Variants in GOLIM4 observed in about 807,000 individuals in gnomAD.
The protein encoded by GOLIM4 is golgi integral membrane protein 4, also known as 130 kDa golgi-localized phosphoprotein.
GOLIM4 carries 71 observed loss-of-function variants against 107.4 expected under a neutral mutation model. The observed-to-expected ratio is 0.66, with a 90% CI of 0.55 to 0.81. The LOEUF (loss-of-function observed/expected upper bound fraction) is 0.81, where lower values mean the gene tolerates loss of function less well. Among genes scored for constraint, GOLIM4 ranks in the 30% least tolerant of loss-of-function variants. The pLI, the probability that GOLIM4 is intolerant of heterozygous loss-of-function variation, is 0.00. For missense variants in GOLIM4, 830 were observed against 826.1 expected, an observed-to-expected ratio of 1.00 and a Z score of -0.06; for synonymous variants, 327 against 294.8, an observed-to-expected ratio of 1.11 and a Z score of -1.12.
chr3:168,058,269 C>T (rs1720085027), intron 1 of GOLIM4, among the ~76,000 whole-genome samples: 1 of 152,184 alleles, frequency 6.6e-6, no homozygotes, highest in African/African-American at 2.4e-5. Flanking sequence ...TGAATTGGTG[C>T]TTAACTGCCT....
At chr3:168,060,561 T>C (rs1720208101) in intron 1 of GOLIM4, among the ~76,000 whole-genome samples, 1 of 152,146 alleles carries the variant, frequency 6.6e-6, no homozygotes, top group Non-Finnish European at 1.5e-5. Flanking sequence ...AGGTTACATT[T>C]GATTGGGTGT....
intron 1 of GOLIM4, among the ~76,000 whole-genome samples, chr3:168,094,393 T>C (rs1011103051): frequency 1.1e-4 from 17 of 152,214 alleles, no homozygotes; most frequent in African/African-American, 4.1e-4. Flanking sequence ...TGCATCTCTG[T>C]GATGAAGTAA....
rs1367225926 is a variant in GOLIM4 at position 168,061,578 on chromosome 3, C to T, written c.188-13213G>A. Among the ~76,000 whole-genome samples, 12 of 152,208 alleles carry T rather than the reference C, an allele frequency of 7.9e-5. No homozygotes were observed. The East Asian group carries it at 1.7e-3, about 22-fold the overall frequency. ...TGAAACCACATCTATCATAGTAGAA[C>T]GGATAAGCTGTGGTTGTTCAAAATG... On this transcript the variant is annotated intron_variant, in intron 1 of 15. Coordinates refer to ENST00000470487, the MANE Select transcript of GOLIM4 (RefSeq NM_014498.5).
chr3:168,014,574 G>A (rs973747162), intron 14 of GOLIM4, among the ~76,000 whole-genome samples: 2 of 130,272 alleles, frequency 1.5e-5, no homozygotes, highest in East Asian at 4.0e-4. Flanking sequence ...AAGCCAGGCA[G>A]AGACACAACA....
At chr3:168,039,554 G>A (rs1224201039) in intron 7 of GOLIM4, among the ~76,000 whole-genome samples, 1 of 152,132 alleles carries the variant, frequency 6.6e-6, no homozygotes, top group Non-Finnish European at 1.5e-5. Context: ...ATGAGCCACG[G>A]TGCCCGGCCA....
In GOLIM4 at chr3:168,046,345, G is replaced by A. The variant is rs539930071; in HGVS notation, c.312+605C>T. On this transcript the variant is annotated intron_variant, in intron 3 of 15. Transcript: ENST00000470487. Reference sequence around the variant, plus strand: ...TATTGATCATTCTTGGGTGTTTCTCGCAGAGGGGGATTTGGCAGGGTCATA... The same window carrying A: ...TATTGATCATTCTTGGGTGTTTCTCACAGAGGGGGATTTGGCAGGGTCATA... Among the ~76,000 whole-genome samples the A allele has an allele frequency of 2.2e-3, 329 of 151,374 alleles. 1 individual carries two copies. Among genetic ancestry groups the A allele is most frequent in the African/African-American group, 7.5e-3 (310 of 41,232 alleles).
At chr3:168,057,547 G>C (rs1388459089) in intron 1 of GOLIM4, among the ~76,000 whole-genome samples, 1 of 152,136 alleles carries the variant, frequency 6.6e-6, no homozygotes, top group Non-Finnish European at 1.5e-5. Flanking sequence ...GATCTTGTAA[G>C]AACTCCCTCA....
intron 14 of GOLIM4, among the ~76,000 whole-genome samples, chr3:168,017,880 A>C (rs534142032): frequency 6.6e-6 from 1 of 152,316 alleles, no homozygotes; most frequent in East Asian, 1.9e-4. Flanking sequence ...GTTTTCATTC[A>C]TGTGCACTAT....
At chr3:168,029,118 G>T in intron 11 of GOLIM4, 105 bp downstream of exon 11, 1 of 688,736 alleles carries the variant, frequency 1.5e-6, no homozygotes. Context: ...TTTGCACTTA[G>T]GTATGCATAC....
chr3:168,079,521 G>A lies in GOLIM4; in HGVS notation c.187+15578C>T, dbSNP rs189316720. On this transcript the variant is annotated intron_variant, in intron 1 of 15. Transcript: ENST00000470487. ...TTTGTGAAGTCTCATCAAGCTGTTT[G>A]CTTATAATTTGTGCACTTTTATGTA... 1.9e-3 allele frequency among the ~76,000 whole-genome samples: 295 copies of A among 152,196 alleles called. 1 individual carries two copies. The highest frequency in any genetic ancestry group is 6.8e-3 in the African/African-American group (284 of 41,528).
At chr3:168,042,979 T>C (rs551005711) in intron 5 of GOLIM4, among the ~76,000 whole-genome samples, 121 of 152,304 alleles carry the variant, frequency 7.9e-4, no homozygotes, top group African/African-American at 2.8e-3. Flanking sequence ...AGCAAGTCTC[T>C]GCTCCCTTGG....
chr3:168,020,392 A>C (rs1470356958), intron 14 of GOLIM4, among the ~76,000 whole-genome samples: 1 of 152,194 alleles, frequency 6.6e-6, no homozygotes, highest in Non-Finnish European at 1.5e-5. Flanking sequence ...GAGCCGTCAG[A>C]ATCAGCTGGT....
At chr3:168,076,744 C>T (rs1721104356) in intron 1 of GOLIM4, among the ~76,000 whole-genome samples, 1 of 152,156 alleles carries the variant, frequency 6.6e-6, no homozygotes, top group African/African-American at 2.4e-5. Flanking sequence ...TCATCTTTTG[C>T]TGCTAAAATC....
At chr3:168,063,484 A>C (rs146805248) in intron 1 of GOLIM4, among the ~76,000 whole-genome samples, 425 of 152,324 alleles carry the variant, frequency 2.8e-3, no homozygotes, top group African/African-American at 9.7e-3. Flanking sequence ...TACTGGCTAC[A>C]GAAAATGAAT....
Position 168,032,683 on chromosome 3 carries a change from T to G in GOLIM4, c.1013A>C (p.Glu338Ala), listed in dbSNP as rs1358541995. ...REPEEHQVEEEHRKALEEEEM... is the reference protein window; with the variant it reads ...REPEEHQVEEAHRKALEEEEM... ...TTCCTCCTCCAGGGCCTTTCTGTGC[T>G]CCTCTTCCACCTGATGCTCCTCAGG... The change falls in exon 9 of 16, where the codon GAG becomes GCG. Residue 338 changes from glutamate (E) to alanine (A), a missense_variant. Transcript: ENST00000470487. 2 of 1,613,972 alleles carry G rather than the reference T, an allele frequency of 1.2e-6. No homozygotes were observed. Among genetic ancestry groups the G allele is most frequent in the African/African-American group, 2.7e-5 (2 of 74,862 alleles).
rs114048809 is a variant in GOLIM4 at position 168,072,166 on chromosome 3, T to A, written c.187+22933A>T. On this transcript the variant is annotated intron_variant, in intron 1 of 15. Coordinates refer to ENST00000470487, the MANE Select transcript of GOLIM4 (RefSeq NM_014498.5). ...GGAGTGGTCTTGGGCCAGCCCTACA[T>A]TGCAGGAGATATACTGTGACATTTC... Among the ~76,000 whole-genome samples the A allele has an allele frequency of 3.7e-3, 556 of 152,196 alleles. 3 individuals carry two copies. Among genetic ancestry groups the A allele is most frequent in the African/African-American group, 0.012 (507 of 41,518 alleles).
intron 5 of GOLIM4, 53 bp downstream of exon 5, chr3:168,043,326 A>G (rs1719124633): frequency 1.6e-6 from 2 of 1,267,222 alleles, no homozygotes; most frequent in East Asian, 4.7e-5. Flanking sequence ...GCACTGAAAC[A>G]TTAATATCAG....
intron 5 of GOLIM4, among the ~76,000 whole-genome samples, chr3:168,043,006 A>G (rs1336638162): frequency 6.6e-6 from 1 of 152,194 alleles, no homozygotes; most frequent in East Asian, 1.9e-4. Flanking sequence ...TTAGAAATAT[A>G]TGGAGCAATT....
At chr3:168,072,740 T>C (rs1485033691) in intron 1 of GOLIM4, among the ~76,000 whole-genome samples, 1 of 152,116 alleles carries the variant, frequency 6.6e-6, no homozygotes, top group East Asian at 1.9e-4. Context: ...AAAAATTAGA[T>C]GAAGCAACTT....
Sources: allele counts gnomAD v4.1 joint callset (sites outside exome capture counted in the v4.1 genomes callset), GRCh38; gene constraint gnomAD v4.1.1; transcripts MANE v1.5; gene names NCBI Gene and HGNC (gene_info 2026-07-23, HGNC 2026-07-21).